The following DMD variants were observed in gnomAD, a reference collection of about 807,000 sequenced individuals.
The protein encoded by DMD is dystrophin.
A neutral mutation model predicts 330.1 loss-of-function variants in DMD; 63 were observed. The ratio of observed to expected loss-of-function variants is 0.19; its 90% CI spans 0.16 to 0.24. The LOEUF (loss-of-function observed/expected upper bound fraction) is 0.24, where lower values mean the gene tolerates loss of function less well. DMD is among the 10% of genes least tolerant of loss of function. DMD has a pLI of 1.00. For synonymous variants in DMD, 1,223 were observed against 959.8 expected, an observed-to-expected ratio of 1.27 and a Z score of -5.07; for missense variants, 3,344 against 2,684.1, an observed-to-expected ratio of 1.25 and a Z score of -5.43.
chrX:31,649,393 G>A (rs1237875722), intron 54 of DMD, among the ~76,000 whole-genome samples: 1 of 111,037 alleles, frequency 9.0e-6, no homozygotes, highest in Non-Finnish European at 1.9e-5. Flanking sequence ...GGTTCCAAAT[G>A]TCTCCCTTTG....
At chrX:31,669,919 C>G (rs969315415) in intron 53 of DMD, among the ~76,000 whole-genome samples, 2 of 106,773 alleles carry the variant, frequency 1.9e-5, no homozygotes, top group Non-Finnish European at 3.8e-5. Context: ...ATATTGATAT[C>G]TTAATAATAT....
chrX:32,739,269 A>G (rs761915073), intron 7 of DMD, among the ~76,000 whole-genome samples: 80 of 112,035 alleles, frequency 7.1e-4, no homozygotes, highest in African/African-American at 2.5e-3. Flanking sequence ...TACTGTTCAC[A>G]TGGCTTCTGA....
intron 1 of DMD, among the ~76,000 whole-genome samples, chrX:33,252,833 C>T (rs951270895): frequency 9.0e-6 from 1 of 111,519 alleles, no homozygotes; most frequent in Admixed American, 9.6e-5. Context: ...TAGGTATTTC[C>T]TCATAAGGGA....
rs193248939 is a variant in DMD, at chrX:32,784,449, A to T, written c.649+25044T>A. Among the ~76,000 whole-genome samples, 17 of 112,101 alleles carry T rather than the reference A, an allele frequency of 1.5e-4. No homozygotes were observed. In the East Asian group the frequency reaches 4.8e-3, roughly 31 times the overall value. ...TTTTGCTTATGTTAGCTCAGGTGTC[A>T]GTTCTAATGAACAACTTTCAACAAG... On this transcript the variant is annotated intron_variant, in intron 7 of 78. Coordinates refer to ENST00000357033, the MANE Select transcript of DMD (RefSeq NM_004006.3).
intron 1 of DMD, among the ~76,000 whole-genome samples, chrX:33,021,005 A>G (rs1399270339): frequency 9.0e-6 from 1 of 111,242 alleles, no homozygotes; most frequent in Non-Finnish European, 1.9e-5. Context: ...CCCAGAACTT[A>G]GCACACTGTC....
At chrX:32,919,308 T>A (rs752504071) in intron 2 of DMD, among the ~76,000 whole-genome samples, 1 of 111,790 alleles carries the variant, frequency 8.9e-6, no homozygotes, top group African/African-American at 3.3e-5. Context: ...AATGGGAGAT[T>A]CCAGAGATAC....
intron 26 of DMD, among the ~76,000 whole-genome samples, chrX:32,452,310 T>G (rs56048333): frequency 0.11 from 1,165 of 10,988 alleles, 303 homozygotes; most frequent in East Asian, 0.33. Flanking sequence ...AAAGGGAAAG[T>G]GAAAGTGAAA....
At chrX:32,643,142 A>T (rs1464155548) in intron 11 of DMD, among the ~76,000 whole-genome samples, 4 of 111,338 alleles carry the variant, frequency 3.6e-5, no homozygotes, top group African/African-American at 6.5e-5. Flanking sequence ...CAGGCGAATA[A>T]TATCAATATG....
Position 31,121,799 on chromosome X carries a change from AAAAACCATGCGGGAATC to A in DMD, c.*103_*119del. ...ATCCTCTTTGTTGTATGAATATTAT[AAAAACCATGCGGGAATC>A]AGGAGTTGTAAAACATTTATTCTGC... On this transcript the variant is annotated 3_prime_UTR_variant, in exon 79 of 79. Coordinates refer to ENST00000357033, the MANE Select transcript of DMD (RefSeq NM_004006.3). 4.0e-6 allele frequency: 4 copies of A among 991,038 alleles called. No individual in the cohort carries two copies. Among genetic ancestry groups the A allele is most frequent in the Non-Finnish European group, 5.8e-6 (4 of 694,786 alleles). The allele number at this position is 991,038 out of a possible 1,213,427, so 81.7% of individuals were successfully genotyped here.
chrX:31,951,147 A>ATATATATATATGTATATATATATCTATG (rs1224190044), intron 45 of DMD, among the ~76,000 whole-genome samples: 2 of 74,493 alleles, frequency 2.7e-5, no homozygotes, highest in Non-Finnish European at 4.7e-5. Flanking sequence ...ATATGTGTAT[A>ATATATATATATGTATATATATATCTATG]TATATATATA....
At chrX:31,478,052 T>G (rs1379252180) in intron 59 of DMD, 54 bp downstream of exon 59, 10 of 1,177,670 alleles carry the variant, frequency 8.5e-6, no homozygotes, top group Non-Finnish European at 2.3e-6. Flanking sequence ...AAGTTCAGAT[T>G]AGAAGCTCTT....
chrX:33,157,380 A>G (rs902591647), intron 1 of DMD, among the ~76,000 whole-genome samples: 2 of 111,635 alleles, frequency 1.8e-5, no homozygotes, highest in African/African-American at 6.5e-5. Flanking sequence ...TAAGGACATC[A>G]GCCATGTTAG....
chrX:32,165,078 G>A (rs187964872), intron 44 of DMD, among the ~76,000 whole-genome samples: 21 of 112,358 alleles, frequency 1.9e-4, no homozygotes, highest in African/African-American at 5.8e-4. Context: ...GGAGAACCTC[G>A]GCTAGGACAG....
intron 15 of DMD, among the ~76,000 whole-genome samples, chrX:32,566,244 C>A (rs751803790): frequency 8.9e-6 from 1 of 111,867 alleles, no homozygotes; most frequent in South Asian, 3.7e-4. Flanking sequence ...TTGGATTTCC[C>A]CTTAATTCCT....
intron 54 of DMD, 70 bp from the exon 55 acceptor site, chrX:31,627,932 A>G (rs2078933857): frequency 1.9e-6 from 2 of 1,031,681 alleles, no homozygotes; most frequent in African/African-American, 1.9e-5. Context: ...ACTCCATAAA[A>G]AGAGAAAGAT....
intron 29 of DMD, among the ~76,000 whole-genome samples, chrX:32,427,326 G>A (rs1445947866): frequency 4.5e-5 from 5 of 111,185 alleles, no homozygotes; most frequent in Non-Finnish European, 9.4e-5. Flanking sequence ...TATCCAAAGA[G>A]AAAAATACAC....
At chrX:32,708,826 C>G (rs910843031) in intron 7 of DMD, among the ~76,000 whole-genome samples, 2 of 111,539 alleles carry the variant, frequency 1.8e-5, no homozygotes, top group Admixed American at 1.9e-4. Flanking sequence ...ATGTCATACG[C>G]AACATCAGAA....
chrX:31,776,030 G>A (rs2090636353), intron 50 of DMD, among the ~76,000 whole-genome samples: 1 of 112,189 alleles, frequency 8.9e-6, no homozygotes, highest in Non-Finnish European at 1.9e-5. Context: ...TTTCTAGAAA[G>A]AATTAAATGT....
intron 7 of DMD, among the ~76,000 whole-genome samples, chrX:32,715,121 T>A (rs917453847): frequency 1.8e-5 from 2 of 111,312 alleles, no homozygotes; most frequent in African/African-American, 6.5e-5. Flanking sequence ...ACCCCCAACC[T>A]GGTAACCACT....
Sources: gnomAD v4.1 joint callset for allele counts (sites outside exome capture counted in the v4.1 genomes callset) on GRCh38, gnomAD v4.1.1 for gene constraint, MANE v1.5 for transcripts, NCBI Gene and HGNC (gene_info 2026-07-23, HGNC 2026-07-21) for gene names.